Variants in PDE10A observed in about 807,000 individuals in gnomAD.
PDE10A encodes phosphodiesterase 10A, also known as cAMP and cAMP-inhibited cGMP 3',5'-cyclic phosphodiesterase 10A.
Under a neutral mutation model 97.7 loss-of-function variants are expected in PDE10A, and 39 were observed. The ratio of observed to expected loss-of-function variants is 0.40; its 90% CI spans 0.31 to 0.52. PDE10A has a LOEUF of 0.52. Among genes scored for constraint, PDE10A ranks in the 20% least tolerant of loss-of-function variants. The pLI is 0.56. For missense variants in PDE10A, 731 were observed against 1,047.8 expected (o/e 0.70, Z 4.17); for synonymous variants, 371 against 376.8 (o/e 0.98, Z 0.18).
chr6:165,871,610 C>T (rs1781206089), intron 1 of PDE10A, among the ~76,000 whole-genome samples: 2 of 152,058 alleles, frequency 1.3e-5, no homozygotes, highest in South Asian at 2.1e-4. Context: ...TTTGAGGTAC[C>T]CTAGTGCTCT....
chr6:165,550,315 C>G (rs1309557745), intron 1 of PDE10A, among the ~76,000 whole-genome samples: 2 of 152,160 alleles, frequency 1.3e-5, no homozygotes, highest in African/African-American at 4.8e-5. Flanking sequence ...CCAATAATCT[C>G]TTATTTATTG....
intron 2 of PDE10A, among the ~76,000 whole-genome samples, chr6:165,504,975 T>C (rs1781106600): frequency 6.6e-6 from 1 of 152,010 alleles, no homozygotes; most frequent in African/African-American, 2.4e-5. Context: ...TCCTGAGGAG[T>C]ATCAATCCAC....
chr6:165,846,508 A>G (rs897972584), intron 1 of PDE10A, among the ~76,000 whole-genome samples: 3 of 152,268 alleles, frequency 2.0e-5, no homozygotes, highest in East Asian at 3.8e-4. Context: ...GAAGGATGTT[A>G]GAGTTAGCGG....
chr6:165,867,411 C>T (rs1781088257), intron 1 of PDE10A, among the ~76,000 whole-genome samples: 1 of 150,996 alleles, frequency 6.6e-6, no homozygotes, highest in East Asian at 1.9e-4. Context: ...AGTCTAAAAA[C>T]AAAACAAAAA....
At chr6:165,877,355 A>G (rs759943708) in intron 1 of PDE10A, among the ~76,000 whole-genome samples, 10 of 152,122 alleles carry the variant, frequency 6.6e-5, no homozygotes, top group Non-Finnish European at 7.4e-5. Flanking sequence ...GAGCAACTGC[A>G]TTTAAAATGT....
At chr6:165,339,702 C>T (rs1383719766) in intron 19 of PDE10A, among the ~76,000 whole-genome samples, 3 of 152,192 alleles carry the variant, frequency 2.0e-5, no homozygotes, top group Non-Finnish European at 4.4e-5. Context: ...GCCCTTCTCT[C>T]TTCCAAATGA....
chr6:165,373,596 G>A (rs1452685370), intron 18 of PDE10A, among the ~76,000 whole-genome samples: 2 of 152,124 alleles, frequency 1.3e-5, no homozygotes, highest in African/African-American at 4.8e-5. Context: ...TGCTGGAGAG[G>A]ATATGGAGAA....
At chr6:165,397,079 TTGG>T (rs1786230703) in intron 13 of PDE10A, among the ~76,000 whole-genome samples, 1 of 152,198 alleles carries the variant, frequency 6.6e-6, no homozygotes, top group Non-Finnish European at 1.5e-5. Flanking sequence ...AGTATATAAA[TTGG>T]TAATTACATT....
At chr6:165,569,997 A>G (rs1450660540) in intron 1 of PDE10A, among the ~76,000 whole-genome samples, 3 of 152,180 alleles carry the variant, frequency 2.0e-5, no homozygotes, top group Non-Finnish European at 4.4e-5. Flanking sequence ...TACAATGTAC[A>G]TTCTTCTCTG....
intron 6 of PDE10A, 66 bp downstream of exon 6, chr6:165,435,171 T>C: frequency 1.6e-6 from 2 of 1,285,570 alleles, no homozygotes; most frequent in Non-Finnish European, 2.2e-6. Flanking sequence ...ATCAAAATGA[T>C]ATGCCATCTT....
intron 10 of PDE10A, among the ~76,000 whole-genome samples, chr6:165,424,555 T>C (rs1159818755): frequency 6.6e-6 from 1 of 152,148 alleles, no homozygotes; most frequent in Non-Finnish European, 1.5e-5. Flanking sequence ...AAATAATATG[T>C]ACATTATTTA....
chr6:165,683,592 G>T (rs1007873217), intron 1 of PDE10A, among the ~76,000 whole-genome samples: 3 of 152,264 alleles, frequency 2.0e-5, no homozygotes, highest in African/African-American at 7.2e-5. Flanking sequence ...TAAGTGCCGT[G>T]TTTTATCACA....
At chr6:165,549,833 G>A (rs1322564837) in intron 1 of PDE10A, among the ~76,000 whole-genome samples, 6 of 152,106 alleles carry the variant, frequency 3.9e-5, no homozygotes, top group South Asian at 2.1e-4. Flanking sequence ...GTTTCAAATC[G>A]GAGGCTAAAG....
intron 5 of PDE10A, among the ~76,000 whole-genome samples, chr6:165,441,733 G>A (rs764493095): frequency 2.0e-5 from 3 of 152,132 alleles, no homozygotes; most frequent in South Asian, 2.1e-4. Flanking sequence ...CCAGGCTGTC[G>A]GGCTCATCAC....
intron 18 of PDE10A, among the ~76,000 whole-genome samples, chr6:165,369,368 A>C (rs1204641906): frequency 6.6e-6 from 1 of 151,904 alleles, no homozygotes; most frequent in East Asian, 1.9e-4. Flanking sequence ...AATAACCAAT[A>C]CAGAGAAGTG....
intron 1 of PDE10A, among the ~76,000 whole-genome samples, chr6:165,545,874 T>C (rs556166572): frequency 1.3e-5 from 2 of 152,132 alleles, no homozygotes; most frequent in African/African-American, 2.4e-5. Flanking sequence ...CAAAGCTAAA[T>C]AGAGTCTTTC....
At chr6:165,577,840 G>A (rs1179203058) in intron 1 of PDE10A, among the ~76,000 whole-genome samples, 1 of 152,194 alleles carries the variant, frequency 6.6e-6, no homozygotes, top group Admixed American at 6.5e-5. Context: ...TAGGACGGAC[G>A]GGAAACTTCC....
chr6:165,889,748 C>T (rs1781723847), intron 1 of PDE10A, among the ~76,000 whole-genome samples: 2 of 152,034 alleles, frequency 1.3e-5, no homozygotes, highest in Admixed American at 6.6e-5. Context: ...TAGACTAACA[C>T]GGCACAGGAA....
At chr6:165,820,747 C>T (rs958654272) in intron 1 of PDE10A, among the ~76,000 whole-genome samples, 2 of 152,166 alleles carry the variant, frequency 1.3e-5, no homozygotes, top group African/African-American at 4.8e-5. Flanking sequence ...GGAGAACAAA[C>T]GAAAGAAAGC....
Sources: gnomAD v4.1 joint callset for allele counts (sites outside exome capture counted in the v4.1 genomes callset) on GRCh38, gnomAD v4.1.1 for gene constraint, MANE v1.5 for transcripts, NCBI Gene and HGNC (gene_info 2026-07-23, HGNC 2026-07-21) for gene names.